PTPRM: variants seen among roughly 807,000 people sequenced by gnomAD.
The protein encoded by PTPRM is receptor-type tyrosine-protein phosphatase mu.
PTPRM carries 47 observed loss-of-function variants against 186.7 expected under a neutral mutation model. The observed-to-expected ratio is 0.25, with a 90% CI of 0.20 to 0.32. The LOEUF is 0.32. Ranked by LOEUF, PTPRM falls within the 10% of genes least tolerant of loss-of-function variation. PTPRM has a pLI of 1.00. For synonymous variants in PTPRM, 668 were observed against 674.9 expected (o/e 0.99, Z 0.16); for missense variants, 1,494 against 1,865.0 (o/e 0.80, Z 3.66).
chr18:7,765,698 CATATAACATTAATTCTTT>C (rs2041984580), intron 1 of PTPRM, among the ~76,000 whole-genome samples: 1 of 152,102 alleles, frequency 6.6e-6, no homozygotes, highest in Non-Finnish European at 1.5e-5. Context: ...GAAAATAGAA[CATATAACATTAATTCTTT>C]TGGGGGGTAC....
At chr18:8,150,895 AG>A in intron 14 of PTPRM, among the ~76,000 whole-genome samples, 1 of 152,284 alleles carries the variant, frequency 6.6e-6, no homozygotes, top group African/African-American at 2.4e-5. Flanking sequence ...CCTCTGCTGC[AG>A]GTCTGCTGTA....
Position 8,341,604 on chromosome 18 carries a change from C to T in PTPRM, c.2957-1819C>T, listed in dbSNP as rs2095475116. Reference sequence around the variant, plus strand: ...GTCCATGATGCTGGGACCTCTGATTCATCCACTAGAGCCATTGTCATCAGA... The same window carrying T: ...GTCCATGATGCTGGGACCTCTGATTTATCCACTAGAGCCATTGTCATCAGA... On this transcript the variant is annotated intron_variant, in intron 22 of 32. Coordinates refer to ENST00000580170, the MANE Select transcript of PTPRM (RefSeq NM_001105244.2). Among the ~76,000 whole-genome samples the T allele has an allele frequency of 2.6e-5, 4 of 152,074 alleles. No homozygotes were observed. In the South Asian group the frequency reaches 6.2e-4, roughly 24 times the overall value.
intron 14 of PTPRM, among the ~76,000 whole-genome samples, chr18:8,153,411 G>C (rs10438835): frequency 6.6e-6 from 1 of 152,058 alleles, no homozygotes. Context: ...TTGGTAACAC[G>C]TGGCCTTAAT....
chr18:7,795,219 G>A (rs1194823699), intron 2 of PTPRM, among the ~76,000 whole-genome samples: 1 of 152,178 alleles, frequency 6.6e-6, no homozygotes, highest in African/African-American at 2.4e-5. Flanking sequence ...CTGGTGGCCA[G>A]TGGTGTCATT....
chr18:8,314,901 T>TA lies in PTPRM; in HGVS notation c.2919+45dup, dbSNP rs2095297189. On this transcript the variant is annotated intron_variant, in intron 21 of 32. Coordinates refer to ENST00000580170, the MANE Select transcript of PTPRM (RefSeq NM_001105244.2). ...TTAATTGATATATAATTGTTGTACA[T>TA]ATTTGGGTGCTATGTATGATATTTT... 4 of 1,293,370 alleles carry TA rather than the reference T, an allele frequency of 3.1e-6. No homozygotes were observed. The African/African-American group carries it at 6.0e-5, about 19-fold the overall frequency. The allele number at this position is 1,293,370 out of a possible 1,614,324, so 80.1% of individuals were successfully genotyped here. A position where few individuals can be genotyped will look rare whatever the true frequency, so the allele number is the denominator to read the frequency against.
chr18:8,252,569 C>G, intron 18 of PTPRM, 70 bp downstream of exon 18: 2 of 1,430,132 alleles, frequency 1.4e-6, no homozygotes, highest in Non-Finnish European at 2.0e-6. Context: ...CTGGTAGATT[C>G]TGACAAAGCC....
intron 7 of PTPRM, among the ~76,000 whole-genome samples, chr18:8,011,626 T>C (rs543577218): frequency 9.0e-4 from 137 of 152,330 alleles, no homozygotes; most frequent in Middle Eastern, 3.4e-3. Context: ...TCCCTACTCC[T>C]GTCTTTCCAG....
At chr18:8,139,060 C>G (rs1421568995) in intron 13 of PTPRM, among the ~76,000 whole-genome samples, 1 of 152,104 alleles carries the variant, frequency 6.6e-6, no homozygotes, top group Non-Finnish European at 1.5e-5. Context: ...AATTTATCTT[C>G]TACACCCAGA....
intron 1 of PTPRM, among the ~76,000 whole-genome samples, chr18:7,676,557 A>G (rs999608356): frequency 3.3e-5 from 5 of 151,992 alleles, no homozygotes; most frequent in Non-Finnish European, 7.4e-5. Flanking sequence ...TGTCTCAGAC[A>G]GTTTGTCAAG....
intron 1 of PTPRM, among the ~76,000 whole-genome samples, chr18:7,761,695 T>C (rs914619008): frequency 3.3e-5 from 5 of 152,192 alleles, no homozygotes; most frequent in African/African-American, 1.2e-4. Context: ...GTTCCACAAG[T>C]TGTCTTCCTT....
At chr18:8,387,503 G>GAA (rs113920545) in intron 31 of PTPRM, among the ~76,000 whole-genome samples, 10 of 149,804 alleles carry the variant, frequency 6.7e-5, no homozygotes, top group African/African-American at 9.8e-5. Context: ...ACTGCCAAGA[G>GAA]GAAAAAAAAA....
chr18:7,815,937 A>G (rs1047112167), intron 2 of PTPRM, among the ~76,000 whole-genome samples: 2 of 152,186 alleles, frequency 1.3e-5, no homozygotes, highest in African/African-American at 4.8e-5. Context: ...ACATTGTTTG[A>G]AGGACATCAG....
chr18:8,237,296 A>G (rs1407998059), intron 14 of PTPRM, among the ~76,000 whole-genome samples: 2 of 152,042 alleles, frequency 1.3e-5, no homozygotes, highest in East Asian at 3.8e-4. Flanking sequence ...GTTTTATTTT[A>G]CTTTTACTAA....
At chr18:8,350,697 C>A (rs1386153183) in intron 23 of PTPRM, among the ~76,000 whole-genome samples, 1 of 152,216 alleles carries the variant, frequency 6.6e-6, no homozygotes, top group Non-Finnish European at 1.5e-5. Flanking sequence ...GAACAAAGCC[C>A]AAACCTCAAG....
intron 7 of PTPRM, among the ~76,000 whole-genome samples, chr18:8,045,781 A>G (rs1422117282): frequency 1.3e-5 from 2 of 152,228 alleles, no homozygotes. Context: ...ACTAAAAACC[A>G]TTGAATTGTA....
intron 23 of PTPRM, among the ~76,000 whole-genome samples, chr18:8,359,594 A>G (rs2095584439): frequency 6.6e-6 from 1 of 152,230 alleles, no homozygotes; most frequent in Non-Finnish European, 1.5e-5. Flanking sequence ...TCTTTGGGGT[A>G]CATACAGGTG....
intron 14 of PTPRM, among the ~76,000 whole-genome samples, chr18:8,178,103 A>G (rs1450008958): frequency 2.0e-5 from 3 of 152,172 alleles, no homozygotes; most frequent in African/African-American, 7.2e-5. Context: ...GCTGATCACC[A>G]GTTTCAGATG....
chr18:8,175,939 T>C (rs746014406), intron 14 of PTPRM, among the ~76,000 whole-genome samples: 2 of 152,206 alleles, frequency 1.3e-5, no homozygotes, highest in Non-Finnish European at 2.9e-5. Flanking sequence ...TCTCATTCCT[T>C]AGACGCTGAA....
chr18:8,118,830 A>G (rs2092063230), intron 13 of PTPRM, among the ~76,000 whole-genome samples: 1 of 147,262 alleles, frequency 6.8e-6, no homozygotes, highest in East Asian at 2.0e-4. Flanking sequence ...ATATATATAT[A>G]TATGAGATTT....
Sources: gnomAD v4.1 joint callset for allele counts (sites outside exome capture counted in the v4.1 genomes callset) on GRCh38, gnomAD v4.1.1 for gene constraint, MANE v1.5 for transcripts, NCBI Gene and HGNC (gene_info 2026-07-23, HGNC 2026-07-21) for gene names.